The following LRP2 variants were observed in gnomAD, a reference collection of about 807,000 sequenced individuals.
LRP2 encodes LDL receptor related protein 2, also known as low-density lipoprotein receptor-related protein 2.
In LRP2, 172 loss-of-function variants were observed where a neutral mutation model predicts 531.0. The ratio of observed to expected loss-of-function variants is 0.32; its 90% CI spans 0.29 to 0.37. The LOEUF is 0.37. Ranked by LOEUF, LRP2 falls within the 10% of genes least tolerant of loss-of-function variation. LRP2 has a pLI of 1.00. For synonymous variants in LRP2, 1,992 were observed against 2,027.6 expected (o/e 0.98, Z 0.47); for missense variants, 5,167 against 5,868.3 (o/e 0.88, Z 3.90).
At chr2:169,174,667 C>A (rs1410102164) in intron 55 of LRP2, among the ~76,000 whole-genome samples, 4 of 152,100 alleles carry the variant, frequency 2.6e-5, no homozygotes, top group African/African-American at 9.7e-5. Context: ...TGCCACCATG[C>A]CAGGCTAATT....
At chr2:169,166,836 T>A (rs778743604) in intron 61 of LRP2, among the ~76,000 whole-genome samples, 1 of 152,190 alleles carries the variant, frequency 6.6e-6, no homozygotes, top group African/African-American at 2.4e-5. Context: ...GAACTCAACA[T>A]ACATGTGGTC....
chr2:169,231,250 C>T (rs150378856), intron 31 of LRP2, among the ~76,000 whole-genome samples: 61 of 148,074 alleles, frequency 4.1e-4, no homozygotes, highest in African/African-American at 9.8e-4. Flanking sequence ...GCTATGATTA[C>T]GCCATTGCAC....
At chr2:169,168,107 G>T (rs549619135) in intron 61 of LRP2, among the ~76,000 whole-genome samples, 1 of 143,120 alleles carries the variant, frequency 7.0e-6, no homozygotes, top group Admixed American at 7.4e-5. Context: ...GGAAGTGACT[G>T]TAAAGATTAA....
chr2:169,189,911 G>A (rs543942762), intron 48 of LRP2, among the ~76,000 whole-genome samples: 4 of 152,126 alleles, frequency 2.6e-5, no homozygotes, highest in East Asian at 1.9e-4. Flanking sequence ...AACAATGGAC[G>A]AACAAAGAAA....
chr2:169,336,242 A>C (rs886467167), intron 1 of LRP2, among the ~76,000 whole-genome samples: 1 of 151,910 alleles, frequency 6.6e-6, no homozygotes, highest in Non-Finnish European at 1.5e-5. Context: ...CAGCCCCTGC[A>C]AACGAAGGAA....
intron 1 of LRP2, among the ~76,000 whole-genome samples, chr2:169,347,107 C>T (rs1000759168): frequency 1.3e-5 from 2 of 152,180 alleles, no homozygotes; most frequent in East Asian, 1.9e-4. Flanking sequence ...AACATACCAG[C>T]TTTGTGTCTC....
At chr2:169,192,327 A>G (rs1687858173) in intron 47 of LRP2, among the ~76,000 whole-genome samples, 1 of 152,164 alleles carries the variant, frequency 6.6e-6, no homozygotes, top group South Asian at 2.1e-4. Context: ...GCTTCAGAAA[A>G]CCACTACCAT....
chr2:169,275,499 T>C, intron 13 of LRP2: 1 of 476,538 alleles, frequency 2.1e-6, no homozygotes, highest in Non-Finnish European at 3.8e-6. Flanking sequence ...CTAGACTTTT[T>C]TGGAATTTAC....
intron 1 of LRP2, among the ~76,000 whole-genome samples, chr2:169,336,536 T>TCACACACA (rs61573424): frequency 2.5e-4 from 36 of 146,080 alleles, no homozygotes; most frequent in African/African-American, 6.8e-4. Flanking sequence ...CAAGACTCCA[T>TCACACACA]CACACACACA....
intron 1 of LRP2, among the ~76,000 whole-genome samples, chr2:169,357,208 T>G (rs1468168294): frequency 6.6e-6 from 1 of 151,682 alleles, no homozygotes; most frequent in Non-Finnish European, 1.5e-5. Context: ...CAGTCAACCT[T>G]GAGAACCCCT....
At chr2:169,269,292 C>T (rs1683331858) in intron 16 of LRP2, among the ~76,000 whole-genome samples, 2 of 152,060 alleles carry the variant, frequency 1.3e-5, no homozygotes, top group Non-Finnish European at 2.9e-5. Context: ...GCCTGCATTG[C>T]CAAGACAATC....
intron 19 of LRP2, among the ~76,000 whole-genome samples, chr2:169,249,027 T>A (rs2105398269): frequency 2.5e-4 from 1 of 4,042 alleles, no homozygotes; most frequent in Non-Finnish European, 5.9e-4. Context: ...CAGTCTGAGA[T>A]CAAACTGCAA....
chr2:169,213,833 A>T lies in LRP2; in HGVS notation c.5864T>A (p.Ile1955Asn). The T allele has an allele frequency of 1.2e-6, 2 of 1,613,782 alleles. No individual in the cohort carries two copies. The highest frequency in any genetic ancestry group is 1.7e-6 in the Non-Finnish European group (2 of 1,179,776). ...GGGGTGGGAAAGCTGGTGTACCAGG[A>T]TCATTCGATCTGTTCCATCCACGTT... is the stretch of plus-strand genomic sequence containing the variant. ...RGNVDGTDRM[I>N]LVHQLSHPWG... is the part of the protein sequence containing the mutation. Residue 1955 changes from isoleucine (I) to asparagine (N), a missense_variant, in exon 36 of 79, where the codon ATC (isoleucine) becomes AAC (asparagine). By Grantham distance (149) the Ile-to-Asn change is moderately radical. This residue lies in a region of LRP2 where 2,811 missense variants were observed against 3,058.0 expected (regional missense o/e 0.92). Coordinates refer to ENST00000649046, the MANE Select transcript of LRP2 (RefSeq NM_004525.3).
At chr2:169,312,761 T>C (rs931627454) in intron 3 of LRP2, among the ~76,000 whole-genome samples, 124 of 152,354 alleles carry the variant, frequency 8.1e-4, no homozygotes, top group African/African-American at 2.9e-3. Context: ...CCTTGCTAGG[T>C]TGGGGAAGTT....
intron 59 of LRP2, 23 bp downstream of exon 59, chr2:169,170,528 T>G (rs1159174097): frequency 6.3e-7 from 1 of 1,582,244 alleles, no homozygotes; most frequent in Non-Finnish European, 8.7e-7. Context: ...AATTCTATGG[T>G]AAGCTTCTCA....
intron 16 of LRP2, among the ~76,000 whole-genome samples, chr2:169,260,876 A>AT (rs1303946761): frequency 6.6e-6 from 1 of 151,884 alleles, no homozygotes; most frequent in Non-Finnish European, 1.5e-5. Flanking sequence ...ACTAGAAAAA[A>AT]AAAAATGATC....
chr2:169,241,144 C>T lies in LRP2; in HGVS notation c.3889G>A (p.Gly1297Arg), dbSNP rs771733361. 9 of 1,614,128 alleles carry T rather than the reference C, an allele frequency of 5.6e-6. No individual in the cohort carries two copies. Among genetic ancestry groups the T allele is most frequent in the African/African-American group, 4.0e-5 (3 of 75,050 alleles). The change falls in exon 25 of 79, where the codon GGG (glycine) becomes AGG (arginine). Residue 1297 changes from glycine to arginine, a missense_variant. This residue lies in a region of LRP2 where 2,811 missense variants were observed against 3,058.0 expected (regional missense o/e 0.92). Transcript: ENST00000649046. ...CAGTCCTTCTCATCACTCATATCCC[C>T]GCAGTCATTGTCCCGATCACAGAGC... is the stretch of plus-strand genomic sequence containing the variant. Reference protein sequence around the residue: ...AWLCDRDNDCGDMSDEKDCPT... With the variant: ...AWLCDRDNDCRDMSDEKDCPT...
chr2:169,208,069 A>G (rs181755402), intron 38 of LRP2, among the ~76,000 whole-genome samples: 2 of 152,256 alleles, frequency 1.3e-5, no homozygotes, highest in East Asian at 3.9e-4. Flanking sequence ...CTCATTTCCA[A>G]TCCTTTAATC....
At chr2:169,157,341 T>A in intron 64 of LRP2, 30 bp downstream of exon 64, 1 of 1,611,350 alleles carries the variant, frequency 6.2e-7, no homozygotes, top group Non-Finnish European at 8.5e-7. Context: ...AAAGTTCACC[T>A]AAACAGGAAT....
Sources: allele counts gnomAD v4.1 joint callset (sites outside exome capture counted in the v4.1 genomes callset), GRCh38; gene constraint gnomAD v4.1.1; regional missense constraint gnomAD v4.1.1; transcripts MANE v1.5; gene names NCBI Gene and HGNC (gene_info 2026-07-23, HGNC 2026-07-21).